The following PDCD1LG2 variants were observed in gnomAD, a reference collection of about 807,000 sequenced individuals.
The protein encoded by PDCD1LG2 is B7 dendritic cell molecule.
PDCD1LG2 carries 32 observed loss-of-function variants against 28.2 expected under a neutral mutation model. The observed-to-expected ratio is 1.13, with a 90% CI of 0.86 to 1.52. The LOEUF is 1.52. Among genes scored for constraint, PDCD1LG2 ranks in the 40% most tolerant of loss-of-function variants. The pLI, the probability that PDCD1LG2 is intolerant of heterozygous loss-of-function variation, is 0.00. For missense variants in PDCD1LG2, 385 were observed against 323.8 expected (o/e 1.19, Z -1.45); for synonymous variants, 116 against 120.2 (o/e 0.97, Z 0.23).
chr9:5,567,548 C>T (rs1485375373), intron 6 of PDCD1LG2, among the ~76,000 whole-genome samples: 1 of 152,198 alleles, frequency 6.6e-6, no homozygotes, highest in Non-Finnish European at 1.5e-5. Context: ...TTACAGTCAT[C>T]AAGCCTTGGT....
chr9:5,520,317 G>A lies in PDCD1LG2; in HGVS notation c.-14-2216G>A, dbSNP rs139003961. The stretch of plus-strand genomic sequence containing the variant: ...TATGATCAATTGATGTTTTGCAAGG[G>A]TGCCAAGACAGTTCAATAGGGAAAG... On this transcript the variant is annotated intron_variant, in intron 1 of 6. Transcript: ENST00000397747. 8.1e-4 allele frequency among the ~76,000 whole-genome samples: 123 copies of A among 152,312 alleles called. 5 individuals are homozygous for A. The East Asian group carries it at 0.023, about 29-fold the overall frequency.
At chr9:5,561,591 T>G (rs1816563830) in intron 5 of PDCD1LG2, among the ~76,000 whole-genome samples, 1 of 152,242 alleles carries the variant, frequency 6.6e-6, no homozygotes, top group African/African-American at 2.4e-5. Flanking sequence ...ATTGAGTGAC[T>G]TATACATTGA....
At chr9:5,548,542 T>C (rs78142711) in intron 3 of PDCD1LG2, among the ~76,000 whole-genome samples, 8,074 of 152,294 alleles carry the variant, frequency 0.053, 692 homozygotes, top group African/African-American at 0.18. Flanking sequence ...GATCATGTGG[T>C]CATTCTATTT....
At chr9:5,531,482 T>C (rs1413220561) in intron 2 of PDCD1LG2, among the ~76,000 whole-genome samples, 2 of 152,200 alleles carry the variant, frequency 1.3e-5, no homozygotes, top group African/African-American at 4.8e-5. Context: ...TTTTCTCTTG[T>C]AAATATTAGC....
At chr9:5,515,629 G>A (rs555770676) in intron 1 of PDCD1LG2, among the ~76,000 whole-genome samples, 2 of 152,146 alleles carry the variant, frequency 1.3e-5, no homozygotes, top group Non-Finnish European at 2.9e-5. Context: ...ATCCCAGAGA[G>A]GTGAGGAGAC....
At chr9:5,535,310 A>C (rs1250275359) in intron 3 of PDCD1LG2, among the ~76,000 whole-genome samples, 3 of 152,210 alleles carry the variant, frequency 2.0e-5, no homozygotes, top group Admixed American at 2.0e-4. Context: ...TTAGTCCCTG[A>C]AATGTGGGAG....
intron 4 of PDCD1LG2, among the ~76,000 whole-genome samples, chr9:5,555,998 C>G (rs1418883021): frequency 6.6e-6 from 1 of 152,208 alleles, no homozygotes; most frequent in Non-Finnish European, 1.5e-5. Context: ...AAGAGACAGT[C>G]AATTCAGTGC....
intron 2 of PDCD1LG2, among the ~76,000 whole-genome samples, chr9:5,525,343 T>TA (rs34153756): frequency 3.4e-4 from 47 of 136,860 alleles, no homozygotes; most frequent in South Asian, 1.2e-3. Flanking sequence ...AGATTCCATT[T>TA]AAAAAAAAAA....
At position 5,534,590 on chromosome 9, in the gene PDCD1LG2, G is replaced by A. The variant is rs551306512; in HGVS notation, c.56-155G>A. Among the ~76,000 whole-genome samples the A allele has an allele frequency of 5.9e-5, 9 of 152,310 alleles. No homozygotes were observed. In the East Asian group the frequency reaches 1.2e-3, roughly 20 times the overall value. ...GAATCCCACTCTTGCCCAGATGGAT[G>A]GGGCAAAGGAGAAAAAGGATTCGCC... is the stretch of plus-strand genomic sequence containing the variant. On this transcript the variant is annotated intron_variant, in intron 2 of 6. Coordinates refer to ENST00000397747, the MANE Select transcript of PDCD1LG2 (RefSeq NM_025239.4).
At chr9:5,550,621 T>C (rs867044182) in intron 4 of PDCD1LG2, among the ~76,000 whole-genome samples, 15 of 152,174 alleles carry the variant, frequency 9.9e-5, no homozygotes, top group African/African-American at 2.4e-4. Flanking sequence ...AATTGCCTCA[T>C]GGCCCCTCCC....
At chr9:5,521,198 C>T (rs1820267212) in intron 1 of PDCD1LG2, among the ~76,000 whole-genome samples, 1 of 152,068 alleles carries the variant, frequency 6.6e-6, no homozygotes, top group Non-Finnish European at 1.5e-5. Context: ...TAGTGGTTGC[C>T]AAGGGCCATA....
chr9:5,520,301 T>C (rs1820248929), intron 1 of PDCD1LG2, among the ~76,000 whole-genome samples: 1 of 152,210 alleles, frequency 6.6e-6, no homozygotes, highest in African/African-American at 2.4e-5. Context: ...ATATGATCAA[T>C]TGATGTTTTG....
chr9:5,513,375 C>T (rs947116296), intron 1 of PDCD1LG2, among the ~76,000 whole-genome samples: 4 of 152,252 alleles, frequency 2.6e-5, no homozygotes, highest in Non-Finnish European at 5.9e-5. Context: ...GTCTCCCTTC[C>T]TTTAGTCAAC....
intron 2 of PDCD1LG2, among the ~76,000 whole-genome samples, chr9:5,532,278 G>A (rs967012403): frequency 1.3e-5 from 2 of 152,182 alleles, no homozygotes; most frequent in South Asian, 4.1e-4. Context: ...ACTCCTCTCT[G>A]TAGAAAGGCA....
chr9:5,521,066 A>G (rs779641015), intron 1 of PDCD1LG2, among the ~76,000 whole-genome samples: 2 of 152,238 alleles, frequency 1.3e-5, no homozygotes, highest in Non-Finnish European at 2.9e-5. Flanking sequence ...ATGCTACAAT[A>G]CAGATGAACC....
At chr9:5,539,025 A>T (rs1820638601) in intron 3 of PDCD1LG2, among the ~76,000 whole-genome samples, 1 of 152,184 alleles carries the variant, frequency 6.6e-6, no homozygotes, top group Non-Finnish European at 1.5e-5. Context: ...TACTGTTGTT[A>T]AATATTTATA....
chr9:5,513,831 A>G (rs939562628), intron 1 of PDCD1LG2, among the ~76,000 whole-genome samples: 1 of 152,230 alleles, frequency 6.6e-6, no homozygotes, highest in African/African-American at 2.4e-5. Context: ...GTCTAATACA[A>G]TGGAAAATGG....
intron 1 of PDCD1LG2, among the ~76,000 whole-genome samples, chr9:5,511,067 A>AG (rs1321876318): frequency 6.6e-6 from 1 of 152,258 alleles, no homozygotes; most frequent in African/African-American, 2.4e-5. Flanking sequence ...GCACTGTAAA[A>AG]TAATATAACT....
At chr9:5,515,358 C>T (rs1485143725) in intron 1 of PDCD1LG2, among the ~76,000 whole-genome samples, 2 of 152,180 alleles carry the variant, frequency 1.3e-5, no homozygotes, top group South Asian at 2.1e-4. Flanking sequence ...CAGCACAATG[C>T]TCATTCAGCT....
Sources: allele counts gnomAD v4.1 joint callset (sites outside exome capture counted in the v4.1 genomes callset), GRCh38; gene constraint gnomAD v4.1.1; transcripts MANE v1.5; gene names NCBI Gene and HGNC (gene_info 2026-07-23, HGNC 2026-07-21).